Variants in RBFOX1 observed in about 807,000 individuals in gnomAD.
The protein encoded by RBFOX1 is RNA binding fox-1 homolog 1.
A neutral mutation model predicts 57.7 loss-of-function variants in RBFOX1; 8 were observed. The observed-to-expected ratio is 0.14, with a 90% CI of 0.08 to 0.25. The LOEUF (loss-of-function observed/expected upper bound fraction) is 0.25. Ranked by LOEUF, RBFOX1 falls within the 10% of genes least tolerant of loss-of-function variation. The probability of loss-of-function intolerance (pLI) is 1.00; values close to 1 mark genes in which losing one functional copy is unlikely to be tolerated. For synonymous variants in RBFOX1, 326 were observed against 222.4 expected (o/e 1.47, Z -4.15); for missense variants, 611 against 548.5 (o/e 1.11, Z -1.14).
intron 2 of RBFOX1, among the ~76,000 whole-genome samples, chr16:6,329,623 A>G (rs1487927391): frequency 6.6e-6 from 1 of 151,872 alleles, no homozygotes; most frequent in Non-Finnish European, 1.5e-5. Flanking sequence ...TATATTTACA[A>G]CTCCACTTCT....
intron 1 of RBFOX1, among the ~76,000 whole-genome samples, chr16:5,273,698 C>T (rs541416096): frequency 1.3e-5 from 2 of 152,070 alleles, no homozygotes; most frequent in East Asian, 3.9e-4. Flanking sequence ...AGTGAGGGTC[C>T]CTGGGGCTGA....
In RBFOX1 at chr16:7,667,731, A is replaced by C. The variant is rs1377297904; in HGVS notation, c.930+2763A>C. Reference sequence around the variant, plus strand: ...AGACTCACTGTGTCGCCCAGGCTGGAGTGCGGTGCAATGTCATCTGTCTGC... The same window carrying C: ...AGACTCACTGTGTCGCCCAGGCTGGCGTGCGGTGCAATGTCATCTGTCTGC... On this transcript the variant is annotated intron_variant, in intron 13 of 15. Coordinates refer to ENST00000550418, the MANE Select transcript of RBFOX1 (RefSeq NM_018723.4). Among the ~76,000 whole-genome samples the C allele has an allele frequency of 2.0e-5, 3 of 152,196 alleles. No individual in the cohort carries two copies. In the East Asian group the frequency reaches 5.8e-4, roughly 29 times the overall value.
intron 4 of RBFOX1, among the ~76,000 whole-genome samples, chr16:7,391,235 C>G (rs2098011704): frequency 1.3e-5 from 2 of 152,180 alleles, no homozygotes; most frequent in African/African-American, 2.4e-5. Flanking sequence ...GGTGGATTTT[C>G]TAGGCCAGTC....
rs372834788 is a variant in RBFOX1, at chr16:7,499,269, A to G, written c.28-18878A>G. On this transcript the variant is annotated intron_variant, in intron 4 of 15. Transcript: ENST00000550418. ...TTGGCATCCCTTGAGTTGTAGAAGC[A>G]TCACCCATTCATCTTCAGATGGTAT... 3.0e-4 allele frequency among the ~76,000 whole-genome samples: 45 copies of G among 152,276 alleles called. 1 individual carries two copies. The East Asian group carries it at 3.1e-3, about 10-fold the overall frequency.
chr16:5,857,609 T>C (rs2151880250), intron 3 of RBFOX1, among the ~76,000 whole-genome samples: 1 of 152,110 alleles, frequency 6.6e-6, no homozygotes. Flanking sequence ...GTACACTGAG[T>C]GAATCCCCTG....
chr16:7,235,501 T>C (rs990180508), intron 4 of RBFOX1, among the ~76,000 whole-genome samples: 1 of 152,190 alleles, frequency 6.6e-6, no homozygotes, highest in African/African-American at 2.4e-5. Context: ...ATGCTGGTAG[T>C]TTTTGACATT....
intron 2 of RBFOX1, among the ~76,000 whole-genome samples, chr16:5,477,435 C>T (rs1184984515): frequency 1.3e-5 from 2 of 152,198 alleles, no homozygotes; most frequent in East Asian, 3.9e-4. Context: ...TGCTCAGCCC[C>T]TCCTGGGGAC....
chr16:6,909,729 CTG>C (rs2071069231), intron 3 of RBFOX1, among the ~76,000 whole-genome samples: 1 of 152,146 alleles, frequency 6.6e-6, no homozygotes, highest in South Asian at 2.1e-4. Context: ...GTCACAATGA[CTG>C]TTGTTGGTTT....
chr16:6,987,226 T>C (rs574121987), intron 3 of RBFOX1, among the ~76,000 whole-genome samples: 41 of 152,286 alleles, frequency 2.7e-4, no homozygotes, highest in Middle Eastern at 6.8e-3. Flanking sequence ...AATGAAAACT[T>C]TGGCCCTGGT....
At chr16:6,513,088 A>G (rs2096287025) in intron 2 of RBFOX1, among the ~76,000 whole-genome samples, 1 of 152,200 alleles carries the variant, frequency 6.6e-6, no homozygotes, top group Non-Finnish European at 1.5e-5. Flanking sequence ...CAAGTCAGCC[A>G]GTTCTAGTCT....
intron 1 of RBFOX1, among the ~76,000 whole-genome samples, chr16:6,290,805 C>G (rs571005731): frequency 2.6e-5 from 4 of 152,144 alleles, no homozygotes; most frequent in African/African-American, 7.2e-5. Context: ...CTTCTTGATA[C>G]CAGAAAGGGG....
At chr16:6,770,562 G>C (rs576302299) in intron 3 of RBFOX1, among the ~76,000 whole-genome samples, 1 of 151,858 alleles carries the variant, frequency 6.6e-6, no homozygotes, top group Non-Finnish European at 1.5e-5. Flanking sequence ...CGTCAACCTA[G>C]GGAATCTCAC....
intron 2 of RBFOX1, among the ~76,000 whole-genome samples, chr16:5,597,605 G>A (rs1367526892): frequency 6.6e-6 from 1 of 151,838 alleles, no homozygotes; most frequent in Non-Finnish European, 1.5e-5. Flanking sequence ...TCACCATGTT[G>A]GCCAGACTAG....
At chr16:6,438,129 A>G (rs1337652657) in intron 2 of RBFOX1, among the ~76,000 whole-genome samples, 4 of 152,220 alleles carry the variant, frequency 2.6e-5, no homozygotes, top group East Asian at 3.8e-4. Context: ...TATGCTGTCC[A>G]TATCGGTGTC....
At chr16:5,923,157 A>G (rs1821694) in intron 4 of RBFOX1, among the ~76,000 whole-genome samples, 86,189 of 152,128 alleles carry the variant, frequency 0.57, 24,856 homozygotes, top group East Asian at 0.74. Context: ...GTAACCAGAG[A>G]GGAAAAACGG....
intron 3 of RBFOX1, among the ~76,000 whole-genome samples, chr16:6,902,646 C>G (rs916382582): frequency 1.3e-5 from 2 of 152,138 alleles, no homozygotes; most frequent in African/African-American, 2.4e-5. Flanking sequence ...TGCTTGAACC[C>G]AGGAGGCAGA....
At chr16:7,531,890 C>T (rs1229557674) in intron 5 of RBFOX1, among the ~76,000 whole-genome samples, 1 of 152,124 alleles carries the variant, frequency 6.6e-6, no homozygotes, top group African/African-American at 2.4e-5. Context: ...ACACATCCTT[C>T]CCATCCCTAA....
chr16:6,718,455 A>C (rs747218298), intron 3 of RBFOX1, among the ~76,000 whole-genome samples: 12 of 152,084 alleles, frequency 7.9e-5, no homozygotes, highest in Non-Finnish European at 1.8e-4. Flanking sequence ...AGAGTAATTG[A>C]TGATGGTGAT....
At chr16:6,891,500 A>G (rs760052786) in intron 3 of RBFOX1, among the ~76,000 whole-genome samples, 1 of 152,010 alleles carries the variant, frequency 6.6e-6, no homozygotes, top group Admixed American at 6.6e-5. Flanking sequence ...GGAGAGGGGA[A>G]GATATATCAG....
Sources: allele counts gnomAD v4.1 joint callset (sites outside exome capture counted in the v4.1 genomes callset), GRCh38; gene constraint gnomAD v4.1.1; transcripts MANE v1.5; gene names NCBI Gene and HGNC (gene_info 2026-07-23, HGNC 2026-07-21).